The following METTL21C variants were observed in gnomAD, a reference collection of about 807,000 sequenced individuals.
METTL21C encodes the protein methyltransferase 21C, AARS1 lysine.
Under a neutral mutation model 25.9 loss-of-function variants are expected in METTL21C, and 21 were observed. The ratio of observed to expected loss-of-function variants is 0.81; its 90% CI spans 0.58 to 1.17. METTL21C has a LOEUF of 1.17. METTL21C is among the 50% of genes most tolerant of loss of function. The pLI is 0.00. For missense variants in METTL21C, 312 were observed against 315.1 expected (o/e 0.99, Z 0.07); for synonymous variants, 125 against 124.7 (o/e 1.00, Z -0.01).
At chr13:102,699,841 G>A (rs1296835453), upstream of METTL21C, among the ~76,000 whole-genome samples, 1 of 152,176 alleles carries the variant, frequency 6.6e-6, no homozygotes, top group Non-Finnish European at 1.5e-5. Context: ...GACTTCTGGG[G>A]GAGTCCCCTG....
the METTL21C span, among the ~76,000 whole-genome samples, chr13:102,702,889 C>T: frequency 6.6e-6 from 1 of 152,254 alleles, no homozygotes; most frequent in Admixed American, 6.5e-5. Flanking sequence ...CTGCAACCAA[C>T]CCCAAAAACA....
At chr13:102,688,370 A>G (rs1194472515) in intron 2 of METTL21C, among the ~76,000 whole-genome samples, 4 of 152,212 alleles carry the variant, frequency 2.6e-5, no homozygotes, top group Non-Finnish European at 5.9e-5. Context: ...GGTGGGGCTT[A>G]GGGGCCATGT....
the METTL21C span, among the ~76,000 whole-genome samples, chr13:102,701,787 A>G: frequency 6.6e-6 from 1 of 152,176 alleles, no homozygotes; most frequent in Non-Finnish European, 1.5e-5. Flanking sequence ...TAAAGAAGAA[A>G]AACTATATGA....
Position 102,692,667 on chromosome 13 carries a change from G to A in METTL21C, c.130+1702C>T, listed in dbSNP as rs533672040. Among the ~76,000 whole-genome samples the A allele has an allele frequency of 3.3e-5, 5 of 152,256 alleles. No individual in the cohort carries two copies. The East Asian group carries it at 9.6e-4, about 29-fold the overall frequency. On this transcript the variant is annotated intron_variant, in intron 1 of 3. Transcript: ENST00000267273. ...TGTTTTAGCCTGTGACTTTGATTTAGTATGTTCTACCACTTTGAAGGAGAA... is the reference window on the plus strand; with the variant it reads ...TGTTTTAGCCTGTGACTTTGATTTAATATGTTCTACCACTTTGAAGGAGAA...
the METTL21C span, among the ~76,000 whole-genome samples, chr13:102,703,519 G>T: frequency 6.6e-6 from 1 of 152,204 alleles, no homozygotes; most frequent in African/African-American, 2.4e-5. Context: ...AGCAGGAGAT[G>T]AATGTAAACT....
At chr13:102,702,194 C>T in the METTL21C span, among the ~76,000 whole-genome samples, 6 of 134,920 alleles carry the variant, frequency 4.4e-5, no homozygotes, top group Non-Finnish European at 7.5e-5. Flanking sequence ...TATATATATA[C>T]ATATATATAT....
rs776862985 is a variant in METTL21C at position 102,686,022 on chromosome 13, T to C, written c.*9A>G. The C allele has an allele frequency of 6.4e-7, 1 of 1,551,248 alleles. No individual in the cohort carries two copies. Among genetic ancestry groups the C allele is most frequent in the Admixed American group, 1.9e-5 (1 of 52,222 alleles). On this transcript the variant is annotated 3_prime_UTR_variant, in exon 4 of 4. Transcript: ENST00000267273. ...ACACAGTAACGTTGTGAAAGGCATTTTGTTGGATTTAGTCCCATTTTAGTA... is the reference window on the plus strand; with the variant it reads ...ACACAGTAACGTTGTGAAAGGCATTCTGTTGGATTTAGTCCCATTTTAGTA...
At chr13:102,696,600 T>C (rs1424011568), upstream of METTL21C, among the ~76,000 whole-genome samples, 2 of 152,208 alleles carry the variant, frequency 1.3e-5, no homozygotes, top group Admixed American at 6.5e-5. Flanking sequence ...CTTTAAGATA[T>C]ACATCAGAGC....
At chr13:102,686,576 A>T in intron 3 of METTL21C, 151 bp from the exon 4 acceptor site, 1 of 939,290 alleles carries the variant, frequency 1.1e-6, no homozygotes, top group Non-Finnish European at 1.6e-6. Context: ...GGGCTGGCTA[A>T]TTCTTGTGGG....
upstream of METTL21C, among the ~76,000 whole-genome samples, chr13:102,698,345 CGCAGCATGGA>C (rs1413802220): frequency 6.6e-6 from 1 of 152,136 alleles, no homozygotes; most frequent in East Asian, 1.9e-4. Context: ...TTGCAGCACA[CGCAGCATGGA>C]TCATGAGGTC....
Position 102,694,726 on chromosome 13 carries a change from C to A in METTL21C, c.-228G>T, listed in dbSNP as rs1161413814. Among the ~76,000 whole-genome samples, 4 of 151,896 alleles carry A rather than the reference C, an allele frequency of 2.6e-5. No homozygotes were observed. Among genetic ancestry groups the A allele is most frequent in the African/African-American group, 9.7e-5 (4 of 41,350 alleles). Reference sequence around the variant, plus strand: ...AAGAGATGTGAGGCTTCTGTGCACTCTTTAATCCCCAGTGTTTTATATAGG... The same window carrying A: ...AAGAGATGTGAGGCTTCTGTGCACTATTTAATCCCCAGTGTTTTATATAGG... On this transcript the variant is annotated 5_prime_UTR_variant, in exon 1 of 4. An upstream open reading frame in the 5' UTR gains an earlier in-frame stop. Transcript: ENST00000267273.
chr13:102,687,133 T>A, intron 2 of METTL21C, 76 bp from the exon 3 acceptor site: 1 of 1,041,286 alleles, frequency 9.6e-7, no homozygotes, highest in South Asian at 1.3e-5. Context: ...GGCACCCAAA[T>A]TTAAATACTA....
At chr13:102,690,715 G>T in intron 2 of METTL21C, 98 bp downstream of exon 2, 1 of 1,403,492 alleles carries the variant, frequency 7.1e-7, no homozygotes, top group Non-Finnish European at 9.7e-7. Flanking sequence ...TTGAGAAGCA[G>T]GATATGAAGG....
At chr13:102,700,653 A>G in the METTL21C span, among the ~76,000 whole-genome samples, 14 of 152,210 alleles carry the variant, frequency 9.2e-5, no homozygotes, top group African/African-American at 3.4e-4. Flanking sequence ...CATTTATTCT[A>G]TTTTCCACTT....
chr13:102,699,355 C>T (rs554486883), upstream of METTL21C, among the ~76,000 whole-genome samples: 2 of 152,326 alleles, frequency 1.3e-5, no homozygotes, highest in African/African-American at 4.8e-5. Context: ...TCCGTTGCTT[C>T]TTCCATAACA....
chr13:102,693,630 A>G (rs141071015), intron 1 of METTL21C, among the ~76,000 whole-genome samples: 1 of 152,258 alleles, frequency 6.6e-6, no homozygotes, highest in African/African-American at 2.4e-5. Context: ...GTAAGGAAAC[A>G]TAGACATACA....
In METTL21C at chr13:102,694,410, T is replaced by G; in HGVS notation, c.89A>C (p.Lys30Thr). 1 of 1,483,948 alleles carries G rather than the reference T, an allele frequency of 6.7e-7. No homozygotes were observed. The highest frequency in any genetic ancestry group is 8.9e-7 in the Non-Finnish European group (1 of 1,124,316). 91.9% of individuals were successfully genotyped at this position (1,483,948 alleles called of 1,614,324 possible). Residue 30 changes from lysine to threonine, a missense_variant, in exon 1 of 4, where the codon AAG (lysine) becomes ACG (threonine). Coordinates refer to ENST00000267273, the MANE Select transcript of METTL21C (RefSeq NM_001010977.3). ...SPGGWLEAEK[K>T]GAPQKDSTGG... ...GGTGCTGTCTTTCTGCGGAGCCCCC[T>G]TCTTCTCAGCCTCTAACCAGCCACC...
the METTL21C span, among the ~76,000 whole-genome samples, chr13:102,703,416 C>T: frequency 6.6e-6 from 1 of 152,196 alleles, no homozygotes; most frequent in Non-Finnish European, 1.5e-5. Flanking sequence ...CTGTCTCCAG[C>T]TCTGTTTGCT....
At chr13:102,699,410 T>A (rs1885998509), upstream of METTL21C, among the ~76,000 whole-genome samples, 1 of 152,156 alleles carries the variant, frequency 6.6e-6, no homozygotes, top group African/African-American at 2.4e-5. Context: ...TGATTGGCTG[T>A]TTCACCACAG....
Sources: allele counts gnomAD v4.1 joint callset (sites outside exome capture counted in the v4.1 genomes callset), GRCh38; gene constraint gnomAD v4.1.1; transcripts MANE v1.5; gene names NCBI Gene and HGNC (gene_info 2026-07-23, HGNC 2026-07-21).